SGCD: variants seen among roughly 807,000 people sequenced by gnomAD.
SGCD encodes the protein delta-sarcoglycan.
In SGCD, 18 loss-of-function variants were observed where a neutral mutation model predicts 36.6. The observed-to-expected ratio is 0.49, with a 90% CI of 0.34 to 0.73. SGCD has a LOEUF of 0.73. Ranked by LOEUF, SGCD falls within the 30% of genes least tolerant of loss-of-function variation. The pLI is 0.01. For synonymous variants in SGCD, 133 were observed against 130.6 expected, an observed-to-expected ratio of 1.02 and a Z score of -0.12; for missense variants, 387 against 346.7, an observed-to-expected ratio of 1.12 and a Z score of -0.92.
chr5:155,839,660 G>A, the SGCD span, among the ~76,000 whole-genome samples: 595 of 152,090 alleles, frequency 3.9e-3, 5 homozygotes, highest in African/African-American at 0.014. Flanking sequence ...ATTTATATCT[G>A]TATTTACTCA....
chr5:156,118,005 T>A (rs1161496395), intron 2 of SGCD: 2 of 152,088 alleles, frequency 1.3e-5, no homozygotes, highest in African/African-American at 4.8e-5. Context: ...TTTAAAAAAT[T>A]GTGTTGGGTA....
intron 7 of SGCD, among the ~76,000 whole-genome samples, chr5:156,662,719 G>A: frequency 6.7e-6 from 1 of 150,250 alleles, no homozygotes; most frequent in African/African-American, 2.5e-5. Flanking sequence ...CCCATGGGTT[G>A]AATTACGGCG....
chr5:156,558,600 G>A (rs1759141314), intron 4 of SGCD, among the ~76,000 whole-genome samples: 1 of 152,150 alleles, frequency 6.6e-6, no homozygotes, highest in Non-Finnish European at 1.5e-5. Flanking sequence ...TGATCCTTAA[G>A]TAATTCATAA....
rs534313362 is a variant in SGCD at position 155,872,360 on chromosome 5, C to T, written c.-282+1936C>T. On this transcript the variant is annotated intron_variant, in intron 1 of 9. Coordinates refer to the SGCD transcript ENST00000517913. ...TGTTGTCTTCTCTTCAGCACACACACACACACACACACACACACACACACA... is the reference window on the plus strand; with the variant it reads ...TGTTGTCTTCTCTTCAGCACACACATACACACACACACACACACACACACA... 4.6e-3 allele frequency among the ~76,000 whole-genome samples: 688 copies of T among 150,726 alleles called. 1 individual carries two copies. The highest frequency in any genetic ancestry group is 0.02 in the Middle Eastern group (6 of 294).
intron 1 of SGCD, among the ~76,000 whole-genome samples, chr5:156,074,212 G>A (rs1760693378): frequency 6.6e-6 from 1 of 152,156 alleles, no homozygotes; most frequent in Admixed American, 6.5e-5. Context: ...TGTAGCTCAA[G>A]TACCCAGTGC....
chr5:155,737,381 A>C, the SGCD span, among the ~76,000 whole-genome samples: 1 of 152,174 alleles, frequency 6.6e-6, no homozygotes, highest in Non-Finnish European at 1.5e-5. Flanking sequence ...GCACATTTAC[A>C]TGTGGAGACA....
intron 1 of SGCD, among the ~76,000 whole-genome samples, chr5:156,038,263 C>A (rs1011496120): frequency 3.3e-5 from 5 of 152,058 alleles, no homozygotes; most frequent in Admixed American, 6.6e-5. Flanking sequence ...CTCACCAGTA[C>A]TTTTCAAAAG....
chr5:156,688,027 T>TA (rs553252514), intron 7 of SGCD, among the ~76,000 whole-genome samples: 1 of 152,168 alleles, frequency 6.6e-6, no homozygotes, highest in Non-Finnish European at 1.5e-5. Flanking sequence ...CAGCCAGGTG[T>TA]ACTACAGAAC....
chr5:156,148,729 G>A (rs1358406344), intron 3 of SGCD, among the ~76,000 whole-genome samples: 38 of 152,044 alleles, frequency 2.5e-4, no homozygotes, highest in Non-Finnish European at 5.9e-5. Flanking sequence ...AAAATTACAA[G>A]GTTTTTTCTA....
intron 1 of SGCD, among the ~76,000 whole-genome samples, chr5:155,998,734 CT>C (rs915898496): frequency 6.6e-6 from 1 of 152,144 alleles, no homozygotes; most frequent in African/African-American, 2.4e-5. Context: ...CCCTAGAAAG[CT>C]TGTTAAGTTC....
At chr5:156,405,411 G>C (rs770940511) in intron 3 of SGCD, among the ~76,000 whole-genome samples, 2 of 152,136 alleles carry the variant, frequency 1.3e-5, no homozygotes, top group Non-Finnish European at 2.9e-5. Flanking sequence ...TTTATGAAAT[G>C]ATCATCCTAG....
intron 3 of SGCD, among the ~76,000 whole-genome samples, chr5:156,444,109 T>C (rs1753642102): frequency 5.2e-5 from 5 of 96,988 alleles, no homozygotes; most frequent in South Asian, 3.5e-4. Flanking sequence ...TCTCTCTCTC[T>C]CTCTCTCCCC....
In SGCD at chr5:156,728,544, T is replaced by C. The variant is rs957016712; in HGVS notation, c.576-29037T>C. On this transcript the variant is annotated intron_variant, in intron 7 of 8. Transcript: ENST00000337851. ...AAAAAAAAAAAAAAAAAAGGTAGAG[T>C]CACTGCACATGCTTAGAACTGATAG... Among the ~76,000 whole-genome samples, 2 of 122,096 alleles carry C rather than the reference T, an allele frequency of 1.6e-5. 1 individual carries two copies. Among genetic ancestry groups the C allele is most frequent in the Admixed American group, 1.9e-4 (2 of 10,610 alleles). 80.1% of individuals were successfully genotyped at this position (122,096 alleles called of 152,430 possible).
rs181833492 is a variant in SGCD at position 156,149,476 on chromosome 5, C to T, written c.-44+25457C>T. On this transcript the variant is annotated intron_variant, in intron 3 of 9. Transcript: ENST00000517913. ...ATCATCCCTGAACTAATGTTTTCAG[C>T]TTATCTCAGGATCCAGAGTCTGTGA... Among the ~76,000 whole-genome samples the T allele has an allele frequency of 2.6e-5, 4 of 152,304 alleles. No homozygotes were observed. The East Asian group carries it at 7.7e-4, about 29-fold the overall frequency.
At chr5:156,483,450 C>T (rs1378548251) in intron 3 of SGCD, among the ~76,000 whole-genome samples, 1 of 152,198 alleles carries the variant, frequency 6.6e-6, no homozygotes, top group African/African-American at 2.4e-5. Flanking sequence ...TGACACAGTA[C>T]ACAGGGGCAT....
At chr5:155,834,548 A>G in the SGCD span, among the ~76,000 whole-genome samples, 1 of 152,200 alleles carries the variant, frequency 6.6e-6, no homozygotes, top group Non-Finnish European at 1.5e-5. Flanking sequence ...AATTAATAAT[A>G]TGTTTTCCAT....
chr5:155,875,298 C>T (rs1554101592), intron 1 of SGCD, among the ~76,000 whole-genome samples: 1 of 152,006 alleles, frequency 6.6e-6, no homozygotes, highest in Non-Finnish European at 1.5e-5. Flanking sequence ...TCATCATCCT[C>T]CTTGTAGAAT....
chr5:155,851,781 A>G, the SGCD span, among the ~76,000 whole-genome samples: 1 of 152,112 alleles, frequency 6.6e-6, no homozygotes, highest in Admixed American at 6.5e-5. Flanking sequence ...TATTTTGGAG[A>G]GCCTCTTTTC....
intron 7 of SGCD, among the ~76,000 whole-genome samples, chr5:156,698,079 G>A (rs893001334): frequency 6.6e-6 from 1 of 152,096 alleles, no homozygotes; most frequent in African/African-American, 2.4e-5. Context: ...TAGCTCTGCT[G>A]TCCTGCTGCT....
Sources: gnomAD v4.1 joint callset for allele counts (sites outside exome capture counted in the v4.1 genomes callset) on GRCh38, gnomAD v4.1.1 for gene constraint, MANE v1.5 for transcripts, NCBI Gene and HGNC (gene_info 2026-07-23, HGNC 2026-07-21) for gene names.